The following INTS6L variants were observed in gnomAD, a reference collection of about 807,000 sequenced individuals.
INTS6L encodes integrator complex subunit 6-like.
Under a neutral mutation model 64.7 loss-of-function variants are expected in INTS6L, and 18 were observed. The observed-to-expected ratio is 0.28, with a 90% CI of 0.19 to 0.41. INTS6L has a LOEUF of 0.41. Ranked by LOEUF, INTS6L falls within the 10% of genes least tolerant of loss-of-function variation. The pLI, the probability that INTS6L is intolerant of heterozygous loss-of-function variation, is 1.00. For synonymous variants in INTS6L, 227 were observed against 235.9 expected, an observed-to-expected ratio of 0.96 and a Z score of 0.34; for missense variants, 533 against 661.0, an observed-to-expected ratio of 0.81 and a Z score of 2.12.
rs1416766725 is a variant in INTS6L at position 135,569,446 on chromosome X, G to A, written c.1287+15G>A. ...ACTACCTATTAGTATGTATTTGTGTGTATATATGTATTAACTGTATCAATG... is the reference window on the plus strand; with the variant it reads ...ACTACCTATTAGTATGTATTTGTGTATATATATGTATTAACTGTATCAATG... On this transcript the variant is annotated intron_variant, in intron 10 of 17. Coordinates refer to ENST00000639893, the MANE Select transcript of INTS6L (RefSeq NM_001351601.3). 21 of 980,522 alleles carry A rather than the reference G, an allele frequency of 2.1e-5. No individual in the cohort carries two copies. The highest frequency in any genetic ancestry group is 2.7e-5 in the Non-Finnish European group (20 of 727,832). 80.8% of individuals were successfully genotyped at this position (980,522 alleles called of 1,213,427 possible).
At chrX:135,581,435 A>G in intron 17 of INTS6L, 93 bp from the exon 18 acceptor site, 1 of 658,812 alleles carries the variant, frequency 1.5e-6, no homozygotes, top group Non-Finnish European at 2.3e-6. Flanking sequence ...TCCTATGTAG[A>G]TTGTAAGCTT....
chrX:135,547,030 C>T, intron 5 of INTS6L, 107 bp from the exon 6 acceptor site: 1 of 1,116,196 alleles, frequency 9.0e-7, no homozygotes, highest in Non-Finnish European at 1.2e-6. Flanking sequence ...TATTTGCTGC[C>T]AATGTAGTTA....
At chrX:135,570,653 T>C in intron 11 of INTS6L, 107 bp downstream of exon 11, 2 of 876,559 alleles carry the variant, frequency 2.3e-6, no homozygotes, top group Non-Finnish European at 3.1e-6. Flanking sequence ...TATATATCTC[T>C]ACACTTTATG....
chrX:135,573,831 G>A, intron 12 of INTS6L, 108 bp from the exon 13 acceptor site: 3 of 915,234 alleles, frequency 3.3e-6, no homozygotes, highest in Non-Finnish European at 4.4e-6. Flanking sequence ...ACTGTAGTCA[G>A]TTGTATTGAT....
rs782108885 is a variant in INTS6L, at chrX:135,562,468, A to G, written c.1192+6168A>G. On this transcript the variant is annotated intron_variant, in intron 9 of 17. Coordinates refer to ENST00000639893, the MANE Select transcript of INTS6L (RefSeq NM_001351601.3). Reference sequence around the variant, plus strand: ...TTCCAGCAGTGCTTGAGAATAATGTATGGTCTCATGTTGTTTGGTAGGATA... The same window carrying G: ...TTCCAGCAGTGCTTGAGAATAATGTGTGGTCTCATGTTGTTTGGTAGGATA... 1.1e-4 allele frequency among the ~76,000 whole-genome samples: 12 copies of G among 111,981 alleles called. No individual in the cohort carries two copies. The East Asian group carries it at 3.1e-3, about 29-fold the overall frequency.
At position 135,521,422 on chromosome X, in the gene INTS6L, G is replaced by A. The variant is rs2085550217; in HGVS notation, c.189+104G>A. Reference sequence around the variant, plus strand: ...TAAGGCGGTCCTGCGTCGCCCGGCGGGGCGGGCGGCGAGGGGGTGCGCAGA... The same window carrying A: ...TAAGGCGGTCCTGCGTCGCCCGGCGAGGCGGGCGGCGAGGGGGTGCGCAGA... On this transcript the variant is annotated intron_variant, in intron 2 of 17. Transcript: ENST00000639893. 6 of 870,453 alleles carry A rather than the reference G, an allele frequency of 6.9e-6. No homozygotes were observed. The South Asian group carries it at 1.3e-4, about 19-fold the overall frequency. 71.7% of individuals were successfully genotyped at this position (870,453 alleles called of 1,213,427 possible). A position where few individuals can be genotyped will look rare whatever the true frequency, so the allele number is the denominator to read the frequency against.
intron 2 of INTS6L, among the ~76,000 whole-genome samples, chrX:135,539,384 A>G (rs2086137624): frequency 8.9e-6 from 1 of 111,902 alleles, no homozygotes; most frequent in Non-Finnish European, 1.9e-5. Flanking sequence ...CTCAGCCTTC[A>G]TAGAGTTGAA....
At chrX:135,534,195 T>C (rs1431554330) in intron 2 of INTS6L, among the ~76,000 whole-genome samples, 1 of 109,037 alleles carries the variant, frequency 9.2e-6, no homozygotes. Context: ...TAGATCCTTA[T>C]GATTGTTTAT....
At chrX:135,522,045 G>A (rs1556497734) in intron 2 of INTS6L, among the ~76,000 whole-genome samples, 1 of 111,092 alleles carries the variant, frequency 9.0e-6, no homozygotes, top group Non-Finnish European at 1.9e-5. Context: ...ATCTGTCCGC[G>A]ACGCCAGTCT....
At chrX:135,554,793 A>T (rs2086597404) in intron 8 of INTS6L, among the ~76,000 whole-genome samples, 1 of 110,260 alleles carries the variant, frequency 9.1e-6, no homozygotes, top group Non-Finnish European at 1.9e-5. Context: ...CAGGAATCAC[A>T]TCAGGAAATC....
chrX:135,530,664 G>A (rs1436470359), intron 2 of INTS6L, among the ~76,000 whole-genome samples: 2 of 111,980 alleles, frequency 1.8e-5, no homozygotes, highest in African/African-American at 6.5e-5. Flanking sequence ...TTGTGTATCA[G>A]CCTGAGCCTT....
intron 9 of INTS6L, among the ~76,000 whole-genome samples, chrX:135,563,658 GCTATATATATAGC>G (rs1569512833): frequency 5.2e-3 from 15 of 2,912 alleles, no homozygotes; most frequent in African/African-American, 0.012. Context: ...TATATATATA[GCTATATATATAGC>G]TATATATATA....
At chrX:135,553,394 C>T (rs1383336499) in intron 8 of INTS6L, among the ~76,000 whole-genome samples, 1 of 109,788 alleles carries the variant, frequency 9.1e-6, no homozygotes, top group Non-Finnish European at 1.9e-5. Context: ...ACCTCCTTGG[C>T]TCAAGCAAAG....
intron 11 of INTS6L, chrX:135,572,593 G>T: frequency 3.4e-6 from 1 of 297,383 alleles, no homozygotes; most frequent in Non-Finnish European, 5.9e-6. Flanking sequence ...TTATAATTTT[G>T]ACACTAGACA....
At chrX:135,574,410 A>G (rs964299772) in intron 13 of INTS6L, among the ~76,000 whole-genome samples, 7 of 111,752 alleles carry the variant, frequency 6.3e-5, no homozygotes, top group African/African-American at 2.3e-4. Context: ...GGAAAGTGGC[A>G]GAACCTAGGT....
At position 135,572,953 on chromosome X, in the gene INTS6L, A is replaced by G; in HGVS notation, c.1537A>G (p.Ile513Val). The G allele has an allele frequency of 3.3e-6, 4 of 1,211,613 alleles. No homozygotes were observed. The highest frequency in any genetic ancestry group is 4.5e-6 in the Non-Finnish European group (4 of 895,294). Residue 513 changes from isoleucine (I) to valine (V), a missense_variant, in exon 12 of 18, where the codon ATC becomes GTC. Physicochemically the swap from Ile to Val is conservative, Grantham distance 29. Coordinates refer to ENST00000639893, the MANE Select transcript of INTS6L (RefSeq NM_001351601.3). ...AAATTTTAGAAAACTATTGAAAGAA[A>G]TCACAGGGGAAACTGCACTTAGACT... is the stretch of plus-strand genomic sequence containing the variant. Reference protein sequence around the residue: ...NKNFRKLLKEITGETALRLTE... With the variant: ...NKNFRKLLKEVTGETALRLTE...
intron 8 of INTS6L, among the ~76,000 whole-genome samples, chrX:135,553,726 T>C (rs938753631): frequency 9.0e-5 from 10 of 111,458 alleles, no homozygotes; most frequent in African/African-American, 1.6e-4. Context: ...GCTAGAAATG[T>C]AGAGATATGG....
At chrX:135,530,268 A>G (rs2085869699) in intron 2 of INTS6L, among the ~76,000 whole-genome samples, 1 of 111,993 alleles carries the variant, frequency 8.9e-6, no homozygotes, top group African/African-American at 3.2e-5. Flanking sequence ...ATATGTTTGT[A>G]AAACACTTTT....
chrX:135,545,491 T>A lies in INTS6L; in HGVS notation c.258T>A (p.Thr86=). 7 of 1,210,665 alleles carry A rather than the reference T, an allele frequency of 5.8e-6. No homozygotes were observed. Among genetic ancestry groups the A allele is most frequent in the Non-Finnish European group, 7.8e-6 (7 of 894,849 alleles). ...ELKNLQASGL[T]TLGQALRSSF... is the part of the protein sequence containing the mutation. ...AAAATCTTCAGGCTTCTGGACTGAC[T>A]ACTCTCGGTCAGGCTCTAAGATCCT... The change falls in exon 3 of 18, where the codon ACT becomes ACA. Residue 86 remains threonine, a synonymous_variant. Coordinates refer to ENST00000639893, the MANE Select transcript of INTS6L (RefSeq NM_001351601.3).
Sources: gnomAD v4.1 joint callset for allele counts (sites outside exome capture counted in the v4.1 genomes callset) on GRCh38, gnomAD v4.1.1 for gene constraint, MANE v1.5 for transcripts, NCBI Gene and HGNC (gene_info 2026-07-23, HGNC 2026-07-21) for gene names.